Variants in CNTN3 observed in about 807,000 individuals in gnomAD.
CNTN3 encodes the protein contactin-3.
In CNTN3, 60 loss-of-function variants were observed where a neutral mutation model predicts 119.1. That is an observed-to-expected ratio of 0.50 (90% confidence interval 0.41 to 0.62). The LOEUF (loss-of-function observed/expected upper bound fraction) is 0.62, where lower values mean the gene tolerates loss of function less well. Among genes scored for constraint, CNTN3 ranks in the 20% least tolerant of loss-of-function variants. The pLI, the probability that CNTN3 is intolerant of heterozygous loss-of-function variation, is 0.00. For synonymous variants in CNTN3, 450 were observed against 438.7 expected, an observed-to-expected ratio of 1.03 and a Z score of -0.32; for missense variants, 1,101 against 1,242.4, an observed-to-expected ratio of 0.89 and a Z score of 1.71.
chr3:74,431,562 T>C (rs1701783472), intron 4 of CNTN3, among the ~76,000 whole-genome samples: 1 of 152,172 alleles, frequency 6.6e-6, no homozygotes, highest in African/African-American at 2.4e-5. Flanking sequence ...AAATAATATC[T>C]ACTAAAGTGG....
chr3:74,558,298 A>T (rs969592086), intron 1 of CNTN3, among the ~76,000 whole-genome samples: 3 of 152,112 alleles, frequency 2.0e-5, no homozygotes, highest in Non-Finnish European at 2.9e-5. Flanking sequence ...ACAGGAGTTG[A>T]TCCTGAGGAC....
Position 74,372,838 on chromosome 3 carries a change from C to T in CNTN3, c.455-1439G>A, listed in dbSNP as rs75506501. Among the ~76,000 whole-genome samples, 334 of 152,082 alleles carry T rather than the reference C, an allele frequency of 2.2e-3. 1 individual carries two copies. The highest frequency in any genetic ancestry group is 7.7e-3 in the African/African-American group (318 of 41,510). On this transcript the variant is annotated intron_variant, in intron 5 of 22. Transcript: ENST00000263665. ...AGGCCTTAAAGGACAGGAGAACACC[C>T]CAACAAGCAGGGATAAAAGCACTCC...
intron 1 of CNTN3, among the ~76,000 whole-genome samples, chr3:74,539,855 T>C (rs932869561): frequency 6.6e-6 from 1 of 152,156 alleles, no homozygotes; most frequent in Non-Finnish European, 1.5e-5. Flanking sequence ...ACAGGCTTTA[T>C]TTCCCATTTC....
rs549045444 is a variant in CNTN3, at chr3:74,486,982, TC to T, written c.183-352del. Among the ~76,000 whole-genome samples the T allele has an allele frequency of 1.5e-4, 23 of 152,274 alleles. No homozygotes were observed. The East Asian group carries it at 4.3e-3, about 28-fold the overall frequency. ...TTATCTCAGATACTTTAGGCCAAGG[TC>T]CTGCTGACAATGAAGGAAGAAAACA... On this transcript the variant is annotated intron_variant, in intron 3 of 22. Coordinates refer to ENST00000263665, the MANE Select transcript of CNTN3 (RefSeq NM_020872.3).
At chr3:74,272,221 A>C (rs1012682275) in intron 20 of CNTN3, among the ~76,000 whole-genome samples, 2 of 152,166 alleles carry the variant, frequency 1.3e-5, no homozygotes, top group African/African-American at 4.8e-5. Flanking sequence ...GTTTTAAGAA[A>C]GTTTATGAAT....
chr3:74,302,647 T>A (rs1442241906), intron 14 of CNTN3, 43 bp downstream of exon 14: 1 of 1,162,742 alleles, frequency 8.6e-7, no homozygotes. Flanking sequence ...GGAATGCTGT[T>A]AAGATGTGAA....
At chr3:74,600,299 C>A (rs941721683) in intron 1 of CNTN3, among the ~76,000 whole-genome samples, 2 of 152,002 alleles carry the variant, frequency 1.3e-5, no homozygotes, top group Admixed American at 6.6e-5. Flanking sequence ...AAAAGTGGGA[C>A]CAACTTGGGG....
At chr3:74,572,212 G>A (rs924808247) in intron 1 of CNTN3, among the ~76,000 whole-genome samples, 2 of 152,102 alleles carry the variant, frequency 1.3e-5, no homozygotes, top group African/African-American at 4.8e-5. Flanking sequence ...ACTTTGGAAG[G>A]CAATTTGAAA....
chr3:74,375,125 C>T (rs1449453295), intron 5 of CNTN3, among the ~76,000 whole-genome samples: 1 of 152,020 alleles, frequency 6.6e-6, no homozygotes, highest in Non-Finnish European at 1.5e-5. Context: ...CTGAATAATC[C>T]AATGATCTTC....
intron 2 of CNTN3, among the ~76,000 whole-genome samples, chr3:74,517,368 C>T (rs1046394102): frequency 6.6e-6 from 1 of 151,882 alleles, no homozygotes; most frequent in African/African-American, 2.4e-5. Context: ...TAAACACTCT[C>T]CTTTCTCCCA....
chr3:74,331,261 T>C (rs546681344), intron 13 of CNTN3, among the ~76,000 whole-genome samples: 1 of 152,256 alleles, frequency 6.6e-6, no homozygotes, highest in South Asian at 2.1e-4. Context: ...ATTTCAATGT[T>C]TAGACACACA....
intron 4 of CNTN3, among the ~76,000 whole-genome samples, chr3:74,435,063 T>C (rs1317068881): frequency 6.6e-6 from 1 of 152,228 alleles, no homozygotes; most frequent in Admixed American, 6.5e-5. Flanking sequence ...TTTCCTACAT[T>C]TGCTCAATAC....
intron 1 of CNTN3, among the ~76,000 whole-genome samples, chr3:74,534,906 C>T (rs1247972783): frequency 1.3e-5 from 2 of 151,876 alleles, no homozygotes; most frequent in Non-Finnish European, 2.9e-5. Context: ...AATTTTACAA[C>T]AGTAAAATGG....
chr3:74,571,607 A>G (rs1300980526), intron 1 of CNTN3, among the ~76,000 whole-genome samples: 1 of 152,176 alleles, frequency 6.6e-6, no homozygotes, highest in Non-Finnish European at 1.5e-5. Context: ...CTTGTGGTAT[A>G]TGTTCACAAA....
chr3:74,568,849 A>T (rs962326069), intron 1 of CNTN3, among the ~76,000 whole-genome samples: 2 of 152,192 alleles, frequency 1.3e-5, no homozygotes, highest in Admixed American at 6.5e-5. Flanking sequence ...GGCCTCAGCC[A>T]TTGGTGAGTT....
At position 74,301,561 on chromosome 3, in the gene CNTN3, T is replaced by C. The variant is rs756604511; in HGVS notation, c.1946-14A>G. The C allele has an allele frequency of 3.7e-6, 6 of 1,613,392 alleles. No homozygotes were observed. The highest frequency in any genetic ancestry group is 4.2e-6 in the Non-Finnish European group (5 of 1,179,590). The stretch of plus-strand genomic sequence containing the variant: ...TGACCTCAGGCACTACAAAGGAATA[T>C]TTCAGAGGTAAGAGTCTGCCTGCTT... On this transcript the variant is annotated splice_polypyrimidine_tract_variant and intron_variant, in intron 15 of 22. Coordinates refer to ENST00000263665, the MANE Select transcript of CNTN3 (RefSeq NM_020872.3).
chr3:74,590,560 G>A (rs746782630), intron 1 of CNTN3, among the ~76,000 whole-genome samples: 2 of 151,910 alleles, frequency 1.3e-5, no homozygotes, highest in African/African-American at 4.8e-5. Flanking sequence ...ACATATGGGG[G>A]CATTTTAGTT....
intron 5 of CNTN3, among the ~76,000 whole-genome samples, chr3:74,395,289 A>G (rs1705018305): frequency 6.6e-6 from 1 of 152,142 alleles, no homozygotes; most frequent in Non-Finnish European, 1.5e-5. Context: ...CATGCTTTGA[A>G]GAACATAACC....
rs560179863 is a variant in CNTN3 at position 74,263,530 on chromosome 3, T to C, written c.*871A>G. 2.7e-5 allele frequency: 4 copies of C among 150,652 alleles called. No individual in the cohort carries two copies. The highest frequency in any genetic ancestry group is 9.7e-5 in the African/African-American group (4 of 41,108). The allele number at this position is 150,652 out of a possible 1,614,324, so 9.3% of individuals were successfully genotyped here. A position where few individuals can be genotyped will look rare whatever the true frequency, so the allele number is the denominator to read the frequency against. On this transcript the variant is annotated 3_prime_UTR_variant, in exon 23 of 23. Transcript: ENST00000263665. The stretch of plus-strand genomic sequence containing the variant: ...ATTCCTTTTTTAATTTAAAAAAACT[T>C]TTTTTTTTTGAGAAAGAATAAAATG...
Sources: gnomAD v4.1 joint callset for allele counts (sites outside exome capture counted in the v4.1 genomes callset) on GRCh38, gnomAD v4.1.1 for gene constraint, MANE v1.5 for transcripts, NCBI Gene and HGNC (gene_info 2026-07-23, HGNC 2026-07-21) for gene names.